Variants in PARP12 observed in about 807,000 individuals in gnomAD.
PARP12 encodes the protein poly(ADP-ribose) polymerase family member 12.
In PARP12, 59 loss-of-function variants were observed where a neutral mutation model predicts 72.4. The ratio of observed to expected loss-of-function variants is 0.81; its 90% confidence interval spans 0.66 to 1.01. PARP12 has a LOEUF of 1.01. Among genes scored for constraint, PARP12 ranks in the 50% least tolerant of loss-of-function variants. The probability of loss-of-function intolerance (pLI) is 0.00; values close to 1 mark genes in which losing one functional copy is unlikely to be tolerated. For missense variants in PARP12, 851 were observed against 914.0 expected, an observed-to-expected ratio of 0.93 and a Z score of 0.89; for synonymous variants, 403 against 371.4, an observed-to-expected ratio of 1.09 and a Z score of -0.98.
Position 140,057,110 on chromosome 7 carries a change from C to T in PARP12, c.506G>A (p.Cys169Tyr), listed in dbSNP as rs370476605. Residue 169 changes from cysteine to tyrosine, a missense_variant, in exon 3 of 12, where the codon TGT (cysteine) becomes TAT (tyrosine). Coordinates refer to ENST00000263549, the MANE Select transcript of PARP12 (RefSeq NM_022750.4). ...CTTGATGCACTGCTTTTGAAAGGCA[C>T]AAGAGCCGTGGGGTCCATCTCCTTT... ...YNKGDGPHGS[C>Y]AFQKQCIKLH... 1.2e-6 allele frequency: 2 copies of T among 1,614,064 alleles called. No homozygotes were observed. Among genetic ancestry groups the T allele is most frequent in the Non-Finnish European group, 1.7e-6 (2 of 1,180,032 alleles).
chr7:140,052,517 G>C (rs2116640184), intron 4 of PARP12, among the ~76,000 whole-genome samples: 1 of 152,126 alleles, frequency 6.6e-6, no homozygotes, highest in East Asian at 1.9e-4. Context: ...CCATTAATTT[G>C]ATATTTGTTC....
Position 140,026,973 on chromosome 7 carries a change from T to A in PARP12, c.1628+303A>T, listed in dbSNP as rs56006342. Among the ~76,000 whole-genome samples, 976 of 152,314 alleles carry A rather than the reference T, an allele frequency of 6.4e-3. 4 individuals are homozygous for A. The highest frequency in any genetic ancestry group is 9.5e-3 in the Admixed American group (145 of 15,300). On this transcript the variant is annotated intron_variant, in intron 10 of 11. Coordinates refer to ENST00000263549, the MANE Select transcript of PARP12 (RefSeq NM_022750.4). Reference sequence around the variant, plus strand: ...GGGCTAATGGTGTGGTGGGCTGTACTGACCCATCCCACTGGTCTCCAGGAA... The same window carrying A: ...GGGCTAATGGTGTGGTGGGCTGTACAGACCCATCCCACTGGTCTCCAGGAA...
intron 5 of PARP12, among the ~76,000 whole-genome samples, chr7:140,045,325 G>A (rs1182788599): frequency 6.6e-6 from 1 of 152,116 alleles, no homozygotes; most frequent in African/African-American, 2.4e-5. Flanking sequence ...GAGCTGCTGC[G>A]CTCGACCCAC....
chr7:140,025,497 T>C, intron 11 of PARP12: 2 of 431,536 alleles, frequency 4.6e-6, no homozygotes, highest in Non-Finnish European at 9.3e-6. Flanking sequence ...TGTTCTCAAC[T>C]TGGTAAGCAT....
intron 8 of PARP12, among the ~76,000 whole-genome samples, chr7:140,031,788 G>A (rs1477619847): frequency 6.6e-6 from 1 of 152,174 alleles, no homozygotes; most frequent in Non-Finnish European, 1.5e-5. Context: ...ACCTTGTCTA[G>A]GGTAGGCTTT....
chr7:140,041,861 A>G, intron 5 of PARP12, 22 bp from the exon 6 acceptor site: 2 of 1,590,074 alleles, frequency 1.3e-6, no homozygotes, highest in Non-Finnish European at 1.7e-6. Context: ...AAACAGCAGC[A>G]GACTGAAAAT....
chr7:140,037,934 A>AT (rs556063849), intron 6 of PARP12, 78 bp from the exon 7 acceptor site: 1,125 of 1,546,784 alleles, frequency 7.3e-4, no homozygotes, highest in Non-Finnish European at 9.5e-4. Context: ...CCCACGCCAC[A>AT]TTTCAGAGGT....
chr7:140,033,560 C>A, intron 8 of PARP12: 1 of 985,440 alleles, frequency 1.0e-6, no homozygotes, highest in Non-Finnish European at 1.2e-6. Context: ...GTTTGGAGAA[C>A]ACTGACCCCT....
At chr7:140,056,763 A>G (rs1407914281) in intron 3 of PARP12, 93 bp downstream of exon 3, 3 of 1,328,038 alleles carry the variant, frequency 2.3e-6, no homozygotes, top group Non-Finnish European at 3.1e-6. Flanking sequence ...CCAAAGTCAC[A>G]CATTCCATGT....
At position 140,062,858 on chromosome 7, in the gene PARP12, C is replaced by T; in HGVS notation, c.-11G>A. 1 of 1,295,776 alleles carries T rather than the reference C, an allele frequency of 7.7e-7. No individual in the cohort carries two copies. The highest frequency in any genetic ancestry group is 2.2e-5 in the South Asian group (1 of 45,600). The allele number at this position is 1,295,776 out of a possible 1,614,324, so 80.3% of individuals were successfully genotyped here. A position where few individuals can be genotyped will look rare whatever the true frequency, so the allele number is the denominator to read the frequency against. On this transcript the variant is annotated 5_prime_UTR_variant, in exon 1 of 12. Transcript: ENST00000263549. Reference sequence around the variant, plus strand: ...GCCGGCCTGGGCCATGGCCGCTGGGCCTGCTCCCGTCGGACCGCGGGTGGC... The same window carrying T: ...GCCGGCCTGGGCCATGGCCGCTGGGTCTGCTCCCGTCGGACCGCGGGTGGC...
In PARP12 at chr7:140,028,685, A is replaced by G. The variant is rs567951048; in HGVS notation, c.1425T>C (p.Asn475=). The change falls in exon 9 of 12, where the codon AAT becomes AAC. Residue 475 remains asparagine, a synonymous_variant. Transcript: ENST00000263549. ...PQDVTTMQTC[N]TKFPGPKSIP... is the part of the protein sequence containing the mutation. ...TGCTCTTCGGGCCTGGAAACTTGGT[A>G]TTGCTACAAAAATGTAAACAAAAAC... 10 of 1,600,220 alleles carry G rather than the reference A, an allele frequency of 6.2e-6. No individual in the cohort carries two copies. In the South Asian group the frequency reaches 1.0e-4, roughly 16 times the overall value.
intron 5 of PARP12, among the ~76,000 whole-genome samples, chr7:140,044,396 C>T (rs1372253380): frequency 2.6e-5 from 4 of 152,134 alleles, no homozygotes; most frequent in Admixed American, 6.5e-5. Flanking sequence ...AACACAGACA[C>T]ATGGGGAAAT....
chr7:140,042,355 G>C (rs1816513603), intron 5 of PARP12, among the ~76,000 whole-genome samples: 1 of 152,240 alleles, frequency 6.6e-6, no homozygotes, highest in Non-Finnish European at 1.5e-5. Flanking sequence ...GGGCGAGCTG[G>C]GCTTTCAGGT....
At chr7:140,060,504 GA>G (rs1377506641) in intron 1 of PARP12, among the ~76,000 whole-genome samples, 1 of 152,160 alleles carries the variant, frequency 6.6e-6, no homozygotes, top group Admixed American at 6.5e-5. Context: ...AAACCACAAG[GA>G]AAAGAGAAAA....
At position 140,034,290 on chromosome 7, in the gene PARP12, C is replaced by T. The variant is rs745309151; in HGVS notation, c.1366G>A (p.Val456Ile). The T allele has an allele frequency of 4.9e-5, 79 of 1,613,048 alleles. No individual in the cohort carries two copies. Among genetic ancestry groups the T allele is most frequent in the Non-Finnish European group, 6.4e-5 (76 of 1,179,488 alleles). Reference protein sequence around the residue: ...KNLVYGTTKKVCRRPKYVSPQ... With the variant: ...KNLVYGTTKKICRRPKYVSPQ... ...GACACGTATTTGGGTCTGCGGCAAA[C>T]CTTTTTAGTTGTGCCATAGACCAGG... The change falls in exon 8 of 12, where the codon GTT (valine) becomes ATT (isoleucine). Residue 456 changes from valine to isoleucine, a missense_variant. This residue lies in a region of PARP12 where 347 missense variants were observed against 396.1 expected (regional missense o/e 0.88). Transcript: ENST00000263549.
intron 1 of PARP12, among the ~76,000 whole-genome samples, chr7:140,062,183 G>C (rs1817483011): frequency 6.6e-6 from 1 of 152,050 alleles, no homozygotes; most frequent in Non-Finnish European, 1.5e-5. Context: ...GGCAAGGGGC[G>C]ACCCGCGGCG....
intron 11 of PARP12, 130 bp from the exon 12 acceptor site, chr7:140,025,015 C>T: frequency 1.3e-6 from 1 of 768,904 alleles, no homozygotes; most frequent in Admixed American, 2.5e-5. Context: ...CTCCCTCCCT[C>T]CCTCTGTGCC....
chr7:140,051,002 T>C (rs1383334945), intron 4 of PARP12, among the ~76,000 whole-genome samples: 1 of 152,176 alleles, frequency 6.6e-6, no homozygotes, highest in Non-Finnish European at 1.5e-5. Flanking sequence ...TCCATTTATA[T>C]GAAATATTCA....
chr7:140,057,729 TG>T, intron 2 of PARP12, 169 bp downstream of exon 2: 1 of 896,604 alleles, frequency 1.1e-6, no homozygotes, highest in Middle Eastern at 3.4e-4. Flanking sequence ...TTGGCAAAGC[TG>T]GCCCTTGAAC....
Sources: allele counts gnomAD v4.1 joint callset (sites outside exome capture counted in the v4.1 genomes callset), GRCh38; gene constraint gnomAD v4.1.1; regional missense constraint gnomAD v4.1.1; transcripts MANE v1.5; gene names NCBI Gene and HGNC (gene_info 2026-07-23, HGNC 2026-07-21).